The following NYAP2 variants were observed in gnomAD, a reference collection of about 807,000 sequenced individuals.
The protein encoded by NYAP2 is neuronal tyrosine-phosphorylated phosphoinositide-3-kinase adaptor 2, also known as neuronal tyrosine-phosphorylated phosphoinositide-3-kinase adapter 2.
In NYAP2, 23 loss-of-function variants were observed where a neutral mutation model predicts 50.4. The observed-to-expected ratio is 0.46, with a 90% CI of 0.33 to 0.65. The LOEUF (loss-of-function observed/expected upper bound fraction) is 0.65. Among genes scored for constraint, NYAP2 ranks in the 30% least tolerant of loss-of-function variants. The pLI is 0.02. For synonymous variants in NYAP2, 394 were observed against 365.2 expected (o/e 1.08, Z -0.90); for missense variants, 885 against 861.0 (o/e 1.03, Z -0.35).
intron 3 of NYAP2, among the ~76,000 whole-genome samples, chr2:225,498,773 T>C (rs1265454845): frequency 6.6e-6 from 1 of 151,980 alleles, no homozygotes; most frequent in East Asian, 1.9e-4. Flanking sequence ...ATATAGGAAG[T>C]ATATAGGTGT....
intron 4 of NYAP2, among the ~76,000 whole-genome samples, chr2:225,563,266 T>A (rs754068633): frequency 6.6e-6 from 1 of 152,070 alleles, no homozygotes; most frequent in African/African-American, 2.4e-5. Flanking sequence ...CTTAGATTGA[T>A]TTTCCAGAGA....
In NYAP2 at chr2:225,439,591, G is replaced by A. The variant is rs145796551; in HGVS notation, c.221+30490G>A. On this transcript the variant is annotated intron_variant, in intron 3 of 6. Transcript: ENST00000636099. Reference sequence around the variant, plus strand: ...AGAGACAAGAATGTTTCATGAGTCCGTTTTCATGAGACATTGAAGATGTCC... The same window carrying A: ...AGAGACAAGAATGTTTCATGAGTCCATTTTCATGAGACATTGAAGATGTCC... 1.7e-3 allele frequency among the ~76,000 whole-genome samples: 263 copies of A among 152,202 alleles called. 1 individual carries two copies. Among genetic ancestry groups the A allele is most frequent in the African/African-American group, 5.8e-3 (242 of 41,534 alleles).
the NYAP2 span, chr2:225,700,031 T>C: frequency 1.3e-5 from 2 of 151,828 alleles, no homozygotes; most frequent in Non-Finnish European, 2.9e-5. Flanking sequence ...GTTATAGCAG[T>C]TTTTCTTGTA....
intron 6 of NYAP2, among the ~76,000 whole-genome samples, chr2:225,638,391 G>A (rs905686145): frequency 2.6e-5 from 4 of 152,082 alleles, no homozygotes; most frequent in Admixed American, 2.6e-4. Context: ...ACAAGAGACT[G>A]GGTGAATGGT....
intron 4 of NYAP2, among the ~76,000 whole-genome samples, chr2:225,565,308 A>G (rs1691943229): frequency 6.6e-6 from 1 of 152,166 alleles, no homozygotes; most frequent in Admixed American, 6.5e-5. Flanking sequence ...CTAAAATGGT[A>G]ATATCCCAAA....
At chr2:225,584,497 C>T (rs376537899) in intron 5 of NYAP2, among the ~76,000 whole-genome samples, 12 of 152,300 alleles carry the variant, frequency 7.9e-5, no homozygotes, top group South Asian at 4.1e-4. Flanking sequence ...TTAAAAATGC[C>T]GTAGGCACCT....
chr2:225,661,253 C>G, the NYAP2 span, among the ~76,000 whole-genome samples: 4 of 152,186 alleles, frequency 2.6e-5, no homozygotes, highest in African/African-American at 4.8e-5. Flanking sequence ...AGTACTGGCT[C>G]AGAGTGGCAG....
chr2:225,406,352 A>G (rs966008467), intron 2 of NYAP2, among the ~76,000 whole-genome samples: 2 of 152,060 alleles, frequency 1.3e-5, no homozygotes, highest in African/African-American at 4.8e-5. Context: ...TTCGGAGACT[A>G]ACACGACTGT....
chr2:225,483,074 G>A (rs1488288441), intron 3 of NYAP2, among the ~76,000 whole-genome samples: 1 of 152,152 alleles, frequency 6.6e-6, no homozygotes, highest in African/African-American at 2.4e-5. Context: ...CAGGTGATGA[G>A]TAATGTGAAA....
intron 5 of NYAP2, among the ~76,000 whole-genome samples, chr2:225,602,639 A>T (rs1416415917): frequency 6.6e-6 from 1 of 152,056 alleles, no homozygotes; most frequent in South Asian, 2.1e-4. Context: ...GTTAATTTTT[A>T]TAGGTAGTGT....
the NYAP2 span, chr2:225,702,544 A>G: frequency 1.3e-5 from 2 of 151,634 alleles, no homozygotes; most frequent in Non-Finnish European, 3.0e-5. Flanking sequence ...GTAAAATTCT[A>G]AACATACTAA....
intron 5 of NYAP2, among the ~76,000 whole-genome samples, chr2:225,608,132 G>T (rs1330192177): frequency 1.3e-5 from 2 of 152,062 alleles, no homozygotes; most frequent in Admixed American, 6.6e-5. Context: ...ATCTTCATCT[G>T]GTAGATAGCC....
intron 3 of NYAP2, among the ~76,000 whole-genome samples, chr2:225,411,307 CTGT>C (rs1005724209): frequency 1.3e-5 from 2 of 152,030 alleles, no homozygotes; most frequent in African/African-American, 4.8e-5. Context: ...CAGGTTTGTT[CTGT>C]TGTTGTTTTC....
At chr2:225,409,537 C>T (rs1036263425) in intron 3 of NYAP2, among the ~76,000 whole-genome samples, 11 of 151,986 alleles carry the variant, frequency 7.2e-5, no homozygotes, top group African/African-American at 2.7e-4. Flanking sequence ...AATAATTATA[C>T]TTACGTGAGC....
exon 5 of NYAP2, chr2:225,583,014 C>T (rs1031725461): frequency 6.2e-7 from 1 of 1,611,366 alleles, no homozygotes; most frequent in Non-Finnish European, 8.5e-7. Flanking sequence ...CAGTGGCCGG[C>T]GCTCCAAAGA....
chr2:225,415,049 A>G (rs1200516086), intron 3 of NYAP2, among the ~76,000 whole-genome samples: 6 of 152,126 alleles, frequency 3.9e-5, no homozygotes, highest in African/African-American at 1.2e-4. Context: ...ACAGCTCTCG[A>G]CTTTAGCAAA....
At position 225,582,616 on chromosome 2, in the gene NYAP2, C is replaced by A; in HGVS notation, c.1199C>A (p.Ala400Asp). The change falls in exon 5 of 7, where the codon GCC becomes GAC. Residue 400 changes from alanine to aspartate, a missense_variant. Transcript: ENST00000636099. This position sits in a 1 kb window ranked among gnomAD's most constrained non-coding sequence, Gnocchi z 7.0. ...AAACTGGAGAAAGAGCAGGCCGCGG[C>A]CCTGGGACCTGCCTCTGCCACCCCT... The A allele has an allele frequency of 6.3e-7, 1 of 1,594,476 alleles. No individual in the cohort carries two copies. Among genetic ancestry groups the A allele is most frequent in the Non-Finnish European group, 8.5e-7 (1 of 1,171,306 alleles).
At chr2:225,626,129 G>C (rs920201602) in intron 5 of NYAP2, among the ~76,000 whole-genome samples, 3 of 152,236 alleles carry the variant, frequency 2.0e-5, no homozygotes, top group Admixed American at 2.0e-4. Flanking sequence ...TATCAGTTCA[G>C]TATCTGAAAT....
rs781734182 is a variant in NYAP2 at position 225,490,315 on chromosome 2, TA to T, written c.222-23055del. On this transcript the variant is annotated intron_variant, in intron 3 of 6. Coordinates refer to ENST00000636099, the Ensembl canonical transcript of NYAP2. The stretch of plus-strand genomic sequence containing the variant: ...TCCCAAAGGTATTCCTTTGATTACT[TA>T]CAACATAAAGACTCTTGTTTGACTC... 1.2e-4 allele frequency among the ~76,000 whole-genome samples: 18 copies of T among 152,180 alleles called. 1 individual carries two copies. In the East Asian group the frequency reaches 1.5e-3, roughly 13 times the overall value.
Sources: gnomAD v4.1 joint callset for allele counts (sites outside exome capture counted in the v4.1 genomes callset) on GRCh38, gnomAD v4.1.1 for gene constraint, Gnocchi (gnomAD v3.1) non-coding constraint, MANE v1.5 for transcripts, NCBI Gene and HGNC (gene_info 2026-07-23, HGNC 2026-07-21) for gene names.